Variants in BAIAP2 observed in about 807,000 individuals in gnomAD.
BAIAP2 encodes the protein BAR/IMD domain containing adaptor protein 2.
In BAIAP2, 18 loss-of-function variants were observed where a neutral mutation model predicts 63.0. That is an observed-to-expected ratio of 0.29 (90% CI 0.20 to 0.42). The LOEUF (loss-of-function observed/expected upper bound fraction) is 0.42. Ranked by LOEUF, BAIAP2 falls within the 10% of genes least tolerant of loss-of-function variation. BAIAP2 has a pLI of 1.00. For missense variants in BAIAP2, 610 were observed against 734.3 expected (o/e 0.83, Z 1.96); for synonymous variants, 386 against 307.6 (o/e 1.25, Z -2.67).
At position 81,092,811 on chromosome 17, in the gene BAIAP2, C is replaced by T. The variant is rs117022418; in HGVS notation, c.489+6231C>T. Among the ~76,000 whole-genome samples the T allele has an allele frequency of 3.9e-3, 589 of 152,310 alleles. 3 individuals carry two copies. The highest frequency in any genetic ancestry group is 5.8e-3 in the Non-Finnish European group (395 of 68,028). On this transcript the variant is annotated intron_variant, in intron 6 of 13. Transcript: ENST00000428708. ...CTGCCTGGAGGGAATGTTCTCCACACCACGCGGGGCACGGTGGACATGCTG... is the reference window on the plus strand; with the variant it reads ...CTGCCTGGAGGGAATGTTCTCCACATCACGCGGGGCACGGTGGACATGCTG...
At position 81,057,972 on chromosome 17, in the gene BAIAP2, G is replaced by GGGGGGGCCC; in HGVS notation, c.217+5_217+6insGGGGGGCCC. On this transcript the variant is annotated splice_donor_region_variant and intron_variant, in intron 3 of 13. Coordinates refer to ENST00000428708, the MANE Select transcript of BAIAP2 (RefSeq NM_001144888.2). Reference sequence around the variant, plus strand: ...GCCAGGGCTCCAAAGAACTCGGTGAGACCCCCCCCCCCCCCCCGCCTGGTA... The same window carrying GGGGGGGCCC: ...GCCAGGGCTCCAAAGAACTCGGTGAGGGGGGGCCCACCCCCCCCCCCCCCCCGCCTGGTA... 1 of 911,328 alleles carries GGGGGGGCCC rather than the reference G, an allele frequency of 1.1e-6. No homozygotes were observed. Among genetic ancestry groups the GGGGGGGCCC allele is most frequent in the Non-Finnish European group, 1.5e-6 (1 of 674,554 alleles). The allele number at this position is 911,328 out of a possible 1,614,324, so 56.5% of individuals were successfully genotyped here.
At chr17:81,102,995 G>A (rs745569481) in intron 7 of BAIAP2, among the ~76,000 whole-genome samples, 24 of 152,206 alleles carry the variant, frequency 1.6e-4, no homozygotes, top group Middle Eastern at 3.2e-3. Flanking sequence ...CCAGCAGGCC[G>A]CAGAGTACGC....
Position 81,098,253 on chromosome 17 carries a change from G to A in BAIAP2, c.490-1675G>A, listed in dbSNP as rs957861748. 2.4e-6 allele frequency: 3 copies of A among 1,246,764 alleles called. No individual in the cohort carries two copies. The South Asian group carries it at 8.0e-5, about 33-fold the overall frequency. The allele number at this position is 1,246,764 out of a possible 1,614,324, so 77.2% of individuals were successfully genotyped here. ...CAGGCTGGGAGGCGCCTCTGCCCAG[G>A]ATGGGAGCACAGTCCGGGGCCTGGG... On this transcript the variant is annotated intron_variant, in intron 6 of 13. Coordinates refer to ENST00000428708, the MANE Select transcript of BAIAP2 (RefSeq NM_001144888.2).
chr17:81,105,953 G>A (rs1598812792), intron 10 of BAIAP2, 125 bp from the exon 11 acceptor site: 1 of 783,904 alleles, frequency 1.3e-6, no homozygotes, highest in Non-Finnish European at 2.1e-6. Context: ...CACTGTCTCT[G>A]TTGCTCCAGA....
chr17:81,104,827 C>G (rs901074488), intron 10 of BAIAP2, 112 bp downstream of exon 10: 8 of 1,168,282 alleles, frequency 6.8e-6, no homozygotes, highest in Middle Eastern at 2.9e-4. Context: ...GTGCAGGTTG[C>G]GGGTCCTCGC....
In BAIAP2 at chr17:81,057,982, C is replaced by CCCA; in HGVS notation, c.217+17_217+18insACC. 1 of 1,205,274 alleles carries CCCA rather than the reference C, an allele frequency of 8.3e-7. No individual in the cohort carries two copies. Among genetic ancestry groups the CCCA allele is most frequent in the Non-Finnish European group, 1.1e-6 (1 of 917,350 alleles). The allele number at this position is 1,205,274 out of a possible 1,614,324, so 74.7% of individuals were successfully genotyped here. ...CAAAGAACTCGGTGAGACCCCCCCC[C>CCCA]CCCCCCCGCCTGGTAGTCGCCTGAT... is the stretch of plus-strand genomic sequence containing the variant. On this transcript the variant is annotated intron_variant, in intron 3 of 13. Coordinates refer to ENST00000428708, the MANE Select transcript of BAIAP2 (RefSeq NM_001144888.2).
At chr17:81,070,342 A>C (rs2052364395) in intron 3 of BAIAP2, among the ~76,000 whole-genome samples, 1 of 152,146 alleles carries the variant, frequency 6.6e-6, no homozygotes, top group Non-Finnish European at 1.5e-5. Flanking sequence ...TGCCCTCCAC[A>C]CTGAGCGGAC....
intron 6 of BAIAP2, chr17:81,097,482 C>T (rs2057819892): frequency 6.6e-6 from 1 of 152,320 alleles, no homozygotes; most frequent in Admixed American, 6.5e-5. Flanking sequence ...CCGCCGCCCA[C>T]CCGGCCCGGC....
Position 81,086,506 on chromosome 17 carries a change from G to T in BAIAP2, c.415G>T (p.Ala139Ser). 1 of 1,614,034 alleles carries T rather than the reference G, an allele frequency of 6.2e-7. No homozygotes were observed. The highest frequency in any genetic ancestry group is 8.5e-7 in the Non-Finnish European group (1 of 1,180,026). ...AGGCGACGCCCTGGACAAGTGTCAG[G>T]CTGAGCTGAAGAAGCTTCGGAAGAA... ...SKGDALDKCQAELKKLRKKSQ... is the reference protein window; with the variant it reads ...SKGDALDKCQSELKKLRKKSQ... The change falls in exon 6 of 14, where the codon GCT (alanine) becomes TCT (serine). Residue 139 changes from alanine to serine, a missense_variant. Coordinates refer to ENST00000428708, the MANE Select transcript of BAIAP2 (RefSeq NM_001144888.2).
At chr17:81,102,603 T>TG (rs2058646584) in intron 7 of BAIAP2, among the ~76,000 whole-genome samples, 1 of 152,222 alleles carries the variant, frequency 6.6e-6, no homozygotes, top group African/African-American at 2.4e-5. Context: ...TGCTGACCCC[T>TG]GGTCTGAGCC....
chr17:81,100,890 C>T (rs2058391385), intron 7 of BAIAP2, among the ~76,000 whole-genome samples: 1 of 152,194 alleles, frequency 6.6e-6, no homozygotes, highest in East Asian at 1.9e-4. Context: ...ACCACCTCTG[C>T]CTGCACCCCT....
chr17:81,083,103 G>A (rs1335784944), intron 3 of BAIAP2: 1 of 152,308 alleles, frequency 6.6e-6, no homozygotes, highest in Admixed American at 6.5e-5. Context: ...GAGGGGAAGT[G>A]ACCCAAGGCC....
intron 1 of BAIAP2, among the ~76,000 whole-genome samples, chr17:81,044,690 C>T (rs1264719263): frequency 6.6e-6 from 1 of 152,232 alleles, no homozygotes; most frequent in Non-Finnish European, 1.5e-5. Flanking sequence ...CTGGAGGTGA[C>T]CACCTGTCTG....
intron 2 of BAIAP2, 54 bp from the exon 3 acceptor site, chr17:81,057,827 G>C: frequency 6.3e-7 from 1 of 1,575,830 alleles, no homozygotes; most frequent in South Asian, 1.2e-5. Flanking sequence ...TTTTGCTGGG[G>C]GTCTTGTCTG....
chr17:81,080,858 A>T (rs187650409), intron 3 of BAIAP2, among the ~76,000 whole-genome samples: 21 of 152,164 alleles, frequency 1.4e-4, no homozygotes, highest in Admixed American at 3.9e-4. Flanking sequence ...CTCAAAAAAT[A>T]AAAAAAATGG....
intron 3 of BAIAP2, among the ~76,000 whole-genome samples, chr17:81,063,526 C>T (rs2050946238): frequency 6.6e-6 from 1 of 152,214 alleles, no homozygotes; most frequent in South Asian, 2.1e-4. Context: ...CCACAAGGCC[C>T]CGTGGGGTTG....
chr17:81,085,750 CTGGG>C, intron 5 of BAIAP2, 25 bp downstream of exon 5: 1 of 1,598,354 alleles, frequency 6.3e-7, no homozygotes, highest in Non-Finnish European at 8.6e-7. Flanking sequence ...GCCGTGCCTG[CTGGG>C]CCCTGTGCCT....
intron 1 of BAIAP2, among the ~76,000 whole-genome samples, chr17:81,051,296 C>T (rs1036350535): frequency 1.3e-5 from 2 of 152,216 alleles, no homozygotes; most frequent in Non-Finnish European, 2.9e-5. Flanking sequence ...TCTGACATCC[C>T]AGAGCCTCTG....
At chr17:81,068,906 C>T (rs980497170) in intron 3 of BAIAP2, among the ~76,000 whole-genome samples, 2 of 152,166 alleles carry the variant, frequency 1.3e-5, no homozygotes, top group African/African-American at 2.4e-5. Context: ...CAGACATGCT[C>T]CTGTGTGCCC....
Sources: allele counts gnomAD v4.1 joint callset (sites outside exome capture counted in the v4.1 genomes callset), GRCh38; gene constraint gnomAD v4.1.1; transcripts MANE v1.5; gene names NCBI Gene and HGNC (gene_info 2026-07-23, HGNC 2026-07-21).